The following DOCK9 variants were observed in gnomAD, a reference collection of about 807,000 sequenced individuals.
The protein encoded by DOCK9 is dedicator of cytokinesis protein 9.
In DOCK9, 89 loss-of-function variants were observed where a neutral mutation model predicts 263.3. The observed-to-expected ratio is 0.34, with a 90% CI of 0.28 to 0.40. The LOEUF is 0.40. DOCK9 is among the 10% of genes least tolerant of loss of function. DOCK9 has a pLI of 1.00. For missense variants in DOCK9, 2,140 were observed against 2,603.4 expected (o/e 0.82, Z 3.87); for synonymous variants, 976 against 973.1 (o/e 1.00, Z -0.06).
intron 49 of DOCK9, among the ~76,000 whole-genome samples, chr13:98,804,729 C>T (rs779332507): frequency 8.5e-5 from 13 of 152,250 alleles, no homozygotes; most frequent in Non-Finnish European, 1.5e-4. Context: ...ACATAAGGCA[C>T]GCCATTTTCA....
In DOCK9 at chr13:98,856,028, G is replaced by T. The variant is rs758650602; in HGVS notation, c.3701C>A (p.Ser1234Tyr). 1 of 1,613,736 alleles carries T rather than the reference G, an allele frequency of 6.2e-7. No individual in the cohort carries two copies. ...DLLGAISGIA[S>Y]PYTTSTPNIN... ...GTTTGGAGTTGAGGTTGTATATGGA[G>T]AAGCTAAATGGAAATCAAGCCAACA... The change falls in exon 34 of 53, where the codon TCT becomes TAT. Residue 1234 changes from serine (S) to tyrosine (Y), a missense_variant. Physicochemically the swap from Ser to Tyr is moderately radical, Grantham distance 144. Transcript: ENST00000682017.
intron 45 of DOCK9, among the ~76,000 whole-genome samples, chr13:98,822,511 C>T (rs1221158607): frequency 6.6e-6 from 1 of 152,188 alleles, no homozygotes; most frequent in African/African-American, 2.4e-5. Flanking sequence ...TCTGACTCGG[C>T]AGAGGTGCCA....
At chr13:98,943,602 C>T (rs571628471) in intron 2 of DOCK9, among the ~76,000 whole-genome samples, 3 of 152,306 alleles carry the variant, frequency 2.0e-5, no homozygotes, top group Admixed American at 6.5e-5. Flanking sequence ...TTGAGATATG[C>T]TCTAATGACC....
At chr13:99,029,438 T>C (rs1346791126) in intron 1 of DOCK9, among the ~76,000 whole-genome samples, 9 of 152,228 alleles carry the variant, frequency 5.9e-5, no homozygotes, top group Non-Finnish European at 8.8e-5. Flanking sequence ...TCTTTATATT[T>C]AATTATCTCT....
chr13:98,865,552 G>A (rs577694864), intron 30 of DOCK9, among the ~76,000 whole-genome samples: 65 of 152,242 alleles, frequency 4.3e-4, no homozygotes, highest in African/African-American at 1.5e-3. Flanking sequence ...TCCCCCCATC[G>A]ACTGAGCGAA....
At chr13:98,796,984 A>C (rs1429316830) in intron 52 of DOCK9, 131 bp downstream of exon 52, 9 of 915,744 alleles carry the variant, frequency 9.8e-6, no homozygotes, top group Non-Finnish European at 1.5e-5. Flanking sequence ...GCATGGCAGG[A>C]GTGTGGTATG....
chr13:98,884,678 G>A (rs2045399767), intron 21 of DOCK9, among the ~76,000 whole-genome samples: 1 of 152,166 alleles, frequency 6.6e-6, no homozygotes, highest in South Asian at 2.1e-4. Context: ...CTTTATTTGA[G>A]CATGGCCAGT....
At chr13:98,882,480 T>C (rs2044958246) in intron 23 of DOCK9, among the ~76,000 whole-genome samples, 1 of 152,202 alleles carries the variant, frequency 6.6e-6, no homozygotes, top group Non-Finnish European at 1.5e-5. Context: ...ATTTCTTGTT[T>C]TGTCCCCATG....
chr13:99,034,057 A>G (rs1410401968), intron 1 of DOCK9, among the ~76,000 whole-genome samples: 2 of 152,158 alleles, frequency 1.3e-5, no homozygotes, highest in African/African-American at 4.8e-5. Context: ...AGAAAAGCAC[A>G]TTTTTAATAC....
At chr13:99,008,230 A>ATT (rs1177982728) in intron 1 of DOCK9, among the ~76,000 whole-genome samples, 39 of 114,386 alleles carry the variant, frequency 3.4e-4, no homozygotes, top group Admixed American at 1.4e-3. Flanking sequence ...ATATATATAT[A>ATT]TATATTTTTT....
At chr13:98,953,127 T>C (rs552610857) in intron 2 of DOCK9, among the ~76,000 whole-genome samples, 1 of 152,342 alleles carries the variant, frequency 6.6e-6, no homozygotes, top group Non-Finnish European at 1.5e-5. Flanking sequence ...ACAGAGTACA[T>C]GGCTTTACCT....
intron 1 of DOCK9, among the ~76,000 whole-genome samples, chr13:99,080,771 C>T (rs971167043): frequency 2.0e-5 from 3 of 152,198 alleles, no homozygotes; most frequent in African/African-American, 7.2e-5. Flanking sequence ...TTGACTCTTT[C>T]CATGGTGTGC....
chr13:98,905,174 G>C (rs1266269672), intron 9 of DOCK9, among the ~76,000 whole-genome samples: 2 of 152,132 alleles, frequency 1.3e-5, no homozygotes, highest in East Asian at 1.9e-4. Context: ...AAGGGGAAGA[G>C]GAAGGAATAT....
At chr13:98,875,376 G>A (rs186486984) in intron 27 of DOCK9, among the ~76,000 whole-genome samples, 2 of 152,320 alleles carry the variant, frequency 1.3e-5, no homozygotes, top group Admixed American at 1.3e-4. Flanking sequence ...TTCAGACTAT[G>A]AGCCACACCC....
At chr13:98,928,909 T>C (rs1353348322) in intron 3 of DOCK9, among the ~76,000 whole-genome samples, 4 of 152,158 alleles carry the variant, frequency 2.6e-5, no homozygotes, top group African/African-American at 4.8e-5. Flanking sequence ...AGACAGGAAG[T>C]TACTTCTTCA....
chr13:98,863,398 T>C lies in DOCK9; in HGVS notation c.3437A>G (p.His1146Arg). ...ISVLKNLLIK[H>R]SFDDRYASRS... ...TGAAGCATATCTGTCATCAAAAGAATGCTTTATCAGCAGGTTCTTGAGCAC... is the reference window on the plus strand; with the variant it reads ...TGAAGCATATCTGTCATCAAAAGAACGCTTTATCAGCAGGTTCTTGAGCAC... The change falls in exon 31 of 53, where the codon CAT (histidine) becomes CGT (arginine). Residue 1146 changes from histidine to arginine, a missense_variant. His to Arg is a conservative substitution (Grantham distance 29). Transcript: ENST00000682017. The C allele has an allele frequency of 6.2e-7, 1 of 1,613,936 alleles. No individual in the cohort carries two copies. Among genetic ancestry groups the C allele is most frequent in the Non-Finnish European group, 8.5e-7 (1 of 1,179,876 alleles).
At chr13:99,087,511 C>T (rs1242906485), upstream of DOCK9, among the ~76,000 whole-genome samples, 1 of 152,142 alleles carries the variant, frequency 6.6e-6, no homozygotes, top group Non-Finnish European at 1.5e-5. Context: ...CTTGCGAGCC[C>T]ACCGTGACGC....
chr13:98,835,694 G>C (rs1228931124), intron 39 of DOCK9, among the ~76,000 whole-genome samples: 2 of 146,282 alleles, frequency 1.4e-5, no homozygotes, highest in African/African-American at 5.0e-5. Flanking sequence ...CAGATATTTA[G>C]AGATCCAGGA....
intron 1 of DOCK9, among the ~76,000 whole-genome samples, chr13:99,027,641 T>C (rs1309893962): frequency 6.6e-6 from 1 of 152,212 alleles, no homozygotes; most frequent in East Asian, 1.9e-4. Context: ...TGTAAAAATA[T>C]TTCCAAAAAT....
Sources: allele counts gnomAD v4.1 joint callset (sites outside exome capture counted in the v4.1 genomes callset), GRCh38; gene constraint gnomAD v4.1.1; transcripts MANE v1.5; gene names NCBI Gene and HGNC (gene_info 2026-07-23, HGNC 2026-07-21).